The following GRM4 variants were observed in gnomAD, a reference collection of about 807,000 sequenced individuals.
GRM4 encodes the protein glutamate metabotropic receptor 4, also known as metabotropic glutamate receptor 4.
Under a neutral mutation model 81.7 loss-of-function variants are expected in GRM4, and 28 were observed. The ratio of observed to expected loss-of-function variants is 0.34; its 90% CI spans 0.25 to 0.47. The LOEUF (loss-of-function observed/expected upper bound fraction) is 0.47. Among genes scored for constraint, GRM4 ranks in the 20% least tolerant of loss-of-function variants. The probability of loss-of-function intolerance (pLI) is 1.00; values close to 1 mark genes in which losing one functional copy is unlikely to be tolerated. For synonymous variants in GRM4, 488 were observed against 528.8 expected, an observed-to-expected ratio of 0.92 and a Z score of 1.06; for missense variants, 948 against 1,290.0, an observed-to-expected ratio of 0.73 and a Z score of 4.06.
intron 10 of GRM4, among the ~76,000 whole-genome samples, chr6:34,026,922 G>C (rs1339222293): frequency 4.6e-5 from 7 of 152,228 alleles, no homozygotes; most frequent in African/African-American, 1.7e-4. Flanking sequence ...TGGGAAGGAA[G>C]GTCTCCATGG....
intron 2 of GRM4, among the ~76,000 whole-genome samples, chr6:34,098,345 C>A (rs1768649629): frequency 6.6e-6 from 1 of 152,196 alleles, no homozygotes; most frequent in Non-Finnish European, 1.5e-5. Context: ...CTGAGCTGCT[C>A]CGGCCCATGT....
At chr6:34,131,600 C>T (rs977246563) in intron 2 of GRM4, among the ~76,000 whole-genome samples, 4 of 152,186 alleles carry the variant, frequency 2.6e-5, no homozygotes, top group Non-Finnish European at 5.9e-5. Context: ...TTGCCACTCC[C>T]GCTCACCAGC....
At chr6:34,033,409 T>TG (rs1398510066) in intron 9 of GRM4, among the ~76,000 whole-genome samples, 84 of 149,294 alleles carry the variant, frequency 5.6e-4, no homozygotes, top group African/African-American at 2.0e-3. Context: ...GTGCTGGGGA[T>TG]GGGGGGGTGC....
intron 1 of GRM4, among the ~76,000 whole-genome samples, chr6:34,143,295 C>T (rs1461062175): frequency 6.6e-6 from 1 of 152,062 alleles, no homozygotes; most frequent in Non-Finnish European, 1.5e-5. Context: ...TCCTCAAAGC[C>T]CCCCGCCCAC....
rs201754177 is a variant in GRM4 at position 34,089,750 on chromosome 6, TA to T, written c.736+2132del. ...CGCCCAATACTTGATTAGATGTTGA[TA>T]AAAAAAAAATTAAACAATAGGCTTA... On this transcript the variant is annotated intron_variant, in intron 3 of 10. Transcript: ENST00000538487. The surrounding 1 kb of genome is among the most constrained non-coding windows in gnomAD (Gnocchi z 4.3). 2.0e-4 allele frequency among the ~76,000 whole-genome samples: 30 copies of T among 150,222 alleles called. No homozygotes were observed. The highest frequency in any genetic ancestry group is 5.4e-4 in the African/African-American group (22 of 41,004).
At chr6:34,137,202 T>C (rs1770496700) in intron 1 of GRM4, among the ~76,000 whole-genome samples, 1 of 152,150 alleles carries the variant, frequency 6.6e-6, no homozygotes, top group Admixed American at 6.5e-5. Flanking sequence ...CTCTTCCCCC[T>C]TTCCTTTCCT....
At chr6:34,151,664 T>G (rs1452654338) in intron 1 of GRM4, among the ~76,000 whole-genome samples, 1 of 151,904 alleles carries the variant, frequency 6.6e-6, no homozygotes, top group Non-Finnish European at 1.5e-5. Context: ...GAGGCCAGTG[T>G]CCTTGCTTCA....
rs1333326013 is a variant in GRM4, at chr6:34,089,608, C to T, written c.736+2275G>A. Among the ~76,000 whole-genome samples, 2 of 152,118 alleles carry T rather than the reference C, an allele frequency of 1.3e-5. No homozygotes were observed. Among genetic ancestry groups the T allele is most frequent in the East Asian group, 1.9e-4 (1 of 5,172 alleles). ...GGGGTGTGGCAGGTATTGTGAGGGG[C>T]GCCTCTGCCAGGACAGGAGTGCCCC... On this transcript the variant is annotated intron_variant, in intron 3 of 10. Transcript: ENST00000538487. The surrounding 1 kb of genome is among the most constrained non-coding windows in gnomAD (Gnocchi z 4.3).
At position 34,034,878 on chromosome 6, in the gene GRM4, A is replaced by G. The variant is rs1581592442; in HGVS notation, c.2442+790T>C. On this transcript the variant is annotated intron_variant, in intron 9 of 10. Coordinates refer to ENST00000538487, the MANE Select transcript of GRM4 (RefSeq NM_000841.4). This position sits in a 1 kb window ranked among gnomAD's most constrained non-coding sequence, Gnocchi z 4.0. ...TACTTCCAGATAACACCCCCGAGTC[A>G]CCCAGCCAGCACCAGGACTGGGATG... 6.6e-6 allele frequency among the ~76,000 whole-genome samples: 1 copy of G among 152,030 alleles called. No individual in the cohort carries two copies. The highest frequency in any genetic ancestry group is 6.6e-5 in the Admixed American group (1 of 15,266).
In GRM4 at chr6:34,092,109, G is replaced by A. The variant is rs113698272; in HGVS notation, c.520-10C>T. On this transcript the variant is annotated splice_polypyrimidine_tract_variant and intron_variant, in intron 2 of 10. Coordinates refer to ENST00000538487, the MANE Select transcript of GRM4 (RefSeq NM_000841.4). The surrounding 1 kb of genome is among the most constrained non-coding windows in gnomAD (Gnocchi z 6.8). ...AGCTGATCTGGGGTATCTGAGGGGC[G>A]AGAGGGGCTGCTGAGGGTGGCGACT... 1.0e-4 allele frequency: 161 copies of A among 1,579,296 alleles called. 1 individual carries two copies. The African/African-American group carries it at 1.1e-3, about 10-fold the overall frequency.
At position 34,152,460 on chromosome 6, in the gene GRM4, T is replaced by C. The variant is rs1010919525; in HGVS notation, c.312+2619A>G. 2.0e-5 allele frequency among the ~76,000 whole-genome samples: 3 copies of C among 152,170 alleles called. No individual in the cohort carries two copies. Among genetic ancestry groups the C allele is most frequent in the African/African-American group, 7.2e-5 (3 of 41,442 alleles). ...TGTCCTCCTCATTCCTGGGGAAACA[T>C]GAGCTACAGGGGTGGGGAGGATTCT... On this transcript the variant is annotated intron_variant, in intron 1 of 8. Coordinates refer to the GRM4 transcript ENST00000374177. The surrounding 1 kb of genome is among the most constrained non-coding windows in gnomAD (Gnocchi z 4.1).
At position 34,042,637 on chromosome 6, in the gene GRM4, A is replaced by G. The variant is rs1359826307; in HGVS notation, c.1169-1889T>C. The stretch of plus-strand genomic sequence containing the variant: ...GCACATGCCACACTGCACAGAGGCA[A>G]TTCCCCAGAGGGCAGCAGGGTGCAC... On this transcript the variant is annotated intron_variant, in intron 6 of 10. Transcript: ENST00000538487. The surrounding 1 kb of genome is among the most constrained non-coding windows in gnomAD (Gnocchi z 4.2). 6.6e-6 allele frequency among the ~76,000 whole-genome samples: 1 copy of G among 152,188 alleles called. No homozygotes were observed. Among genetic ancestry groups the G allele is most frequent in the Non-Finnish European group, 1.5e-5 (1 of 68,020 alleles).
At chr6:34,142,708 G>A (rs915275504) in intron 1 of GRM4, among the ~76,000 whole-genome samples, 5 of 152,180 alleles carry the variant, frequency 3.3e-5, no homozygotes, top group Non-Finnish European at 7.4e-5. Flanking sequence ...TCGCTCACCC[G>A]CTCGCTCTCT....
chr6:34,072,637 CCA>C (rs568587611), intron 3 of GRM4, among the ~76,000 whole-genome samples: 81 of 57,968 alleles, frequency 1.4e-3, no homozygotes, highest in Admixed American at 2.8e-3. Context: ...TAGATACACA[CCA>C]CACACACACA....
At chr6:34,117,361 C>A (rs867204731) in intron 2 of GRM4, among the ~76,000 whole-genome samples, 1 of 152,294 alleles carries the variant, frequency 6.6e-6, no homozygotes, top group South Asian at 2.1e-4. Flanking sequence ...CCCAAAAGGG[C>A]TTCCAAGGCC....
chr6:34,032,269 CA>C (rs1220663091), intron 9 of GRM4, among the ~76,000 whole-genome samples: 1 of 152,168 alleles, frequency 6.6e-6, no homozygotes, highest in East Asian at 1.9e-4. Flanking sequence ...CACCACTGAG[CA>C]TGTACATGCA....
chr6:34,147,275 C>T (rs955834295), upstream of GRM4, among the ~76,000 whole-genome samples: 3 of 152,214 alleles, frequency 2.0e-5, no homozygotes, highest in Admixed American at 6.5e-5. Flanking sequence ...AAACACACGA[C>T]TGAACGCAGT....
intron 2 of GRM4, among the ~76,000 whole-genome samples, chr6:34,109,464 C>A (rs1283181665): frequency 6.6e-6 from 1 of 152,060 alleles, no homozygotes; most frequent in Non-Finnish European, 1.5e-5. Flanking sequence ...GCAGAGGGGC[C>A]ACCCACCCCA....
chr6:34,110,031 G>A (rs533618287), intron 2 of GRM4, among the ~76,000 whole-genome samples: 3 of 152,098 alleles, frequency 2.0e-5, no homozygotes, highest in African/African-American at 4.8e-5. Flanking sequence ...AGGCACAACC[G>A]CCACTTAAAC....
Sources: gnomAD v4.1 joint callset for allele counts (sites outside exome capture counted in the v4.1 genomes callset) on GRCh38, gnomAD v4.1.1 for gene constraint, Gnocchi (gnomAD v3.1) non-coding constraint, MANE v1.5 for transcripts, NCBI Gene and HGNC (gene_info 2026-07-23, HGNC 2026-07-21) for gene names.